The following LRRC4C variants were observed in gnomAD, a reference collection of about 807,000 sequenced individuals.
The protein encoded by LRRC4C is leucine rich repeat containing 4C.
LRRC4C carries 5 observed loss-of-function variants against 33.6 expected under a neutral mutation model. The observed-to-expected ratio is 0.15, with a 90% CI of 0.08 to 0.31. The LOEUF (loss-of-function observed/expected upper bound fraction) is 0.31. Ranked by LOEUF, LRRC4C falls within the 10% of genes least tolerant of loss-of-function variation. The pLI is 1.00. For missense variants in LRRC4C, 560 were observed against 796.7 expected, an observed-to-expected ratio of 0.70 and a Z score of 3.58; for synonymous variants, 329 against 302.0, an observed-to-expected ratio of 1.09 and a Z score of -0.93.
chr11:40,576,546 G>A (rs1190619249), intron 3 of LRRC4C, among the ~76,000 whole-genome samples: 1 of 152,156 alleles, frequency 6.6e-6, no homozygotes, highest in East Asian at 1.9e-4. Context: ...CATCGTCTGA[G>A]GTTCCCAATG....
At chr11:41,178,806 C>G (rs953497742) in intron 1 of LRRC4C, among the ~76,000 whole-genome samples, 7 of 152,106 alleles carry the variant, frequency 4.6e-5, no homozygotes, top group Non-Finnish European at 8.8e-5. Context: ...TGGATTCAAG[C>G]AATTCTCTGC....
Position 40,793,605 on chromosome 11 carries a change from GAGGC to G in LRRC4C, c.-407+140026_-407+140029del, listed in dbSNP as rs1950712114. Among the ~76,000 whole-genome samples, 3 of 152,188 alleles carry G rather than the reference GAGGC, an allele frequency of 2.0e-5. No individual in the cohort carries two copies. In the South Asian group the frequency reaches 6.2e-4, roughly 31 times the overall value. On this transcript the variant is annotated intron_variant, in intron 2 of 6. Coordinates refer to ENST00000528697, the MANE Select transcript of LRRC4C (RefSeq NM_001258419.2). ...CTCTTATTTTACAAATATGGAAACT[GAGGC>G]ACAGAGAGGTCAAGTAAATCCCAGT...
chr11:41,236,440 T>C (rs1035089699), intron 1 of LRRC4C, among the ~76,000 whole-genome samples: 15 of 152,108 alleles, frequency 9.9e-5, no homozygotes, highest in Middle Eastern at 3.2e-3. Flanking sequence ...CTGTTGCACT[T>C]ATATACCACT....
chr11:40,858,839 G>T (rs114560942), intron 2 of LRRC4C, among the ~76,000 whole-genome samples: 5,884 of 151,656 alleles, frequency 0.039, 209 homozygotes, highest in African/African-American at 0.095. Flanking sequence ...ACCAACAAAA[G>T]CCATTGTTCT....
At chr11:40,397,494 T>C (rs964047426) in intron 3 of LRRC4C, among the ~76,000 whole-genome samples, 14 of 152,150 alleles carry the variant, frequency 9.2e-5, no homozygotes, top group African/African-American at 3.1e-4. Context: ...AACATTGTCA[T>C]CTCTCCAATA....
intron 1 of LRRC4C, among the ~76,000 whole-genome samples, chr11:41,282,001 T>G (rs140981201): frequency 1.1e-4 from 17 of 152,332 alleles, no homozygotes; most frequent in Non-Finnish European, 2.1e-4. Context: ...CTTAGAGGCC[T>G]TGGTGGATGT....
chr11:40,751,697 C>T (rs1948698132), intron 2 of LRRC4C, among the ~76,000 whole-genome samples: 2 of 152,040 alleles, frequency 1.3e-5, no homozygotes, highest in South Asian at 2.1e-4. Context: ...TACAAATTCA[C>T]TCCAATCCTT....
intron 5 of LRRC4C, among the ~76,000 whole-genome samples, chr11:40,177,879 T>C (rs959220053): frequency 6.6e-6 from 1 of 152,214 alleles, no homozygotes; most frequent in African/African-American, 2.4e-5. Context: ...TGGCTAGAAT[T>C]GAGCCTGGCA....
At chr11:41,206,049 G>A (rs552379517) in intron 1 of LRRC4C, among the ~76,000 whole-genome samples, 34 of 152,140 alleles carry the variant, frequency 2.2e-4, no homozygotes, top group African/African-American at 7.5e-4. Flanking sequence ...TTCCAATTGA[G>A]ATAAGAATTT....
intron 4 of LRRC4C, among the ~76,000 whole-genome samples, chr11:40,247,327 G>A (rs1021829934): frequency 6.6e-6 from 1 of 152,042 alleles, no homozygotes; most frequent in African/African-American, 2.4e-5. Context: ...TGTCTTCTCT[G>A]CCTACCAGGA....
intron 2 of LRRC4C, among the ~76,000 whole-genome samples, chr11:40,927,917 G>A (rs1957464457): frequency 6.6e-6 from 1 of 152,088 alleles, no homozygotes; most frequent in Non-Finnish European, 1.5e-5. Flanking sequence ...GAGATGTTGT[G>A]TCAGCGGGGG....
chr11:41,103,534 T>C (rs1358952905), intron 1 of LRRC4C, among the ~76,000 whole-genome samples: 2 of 150,746 alleles, frequency 1.3e-5, no homozygotes, highest in Non-Finnish European at 2.9e-5. Context: ...ACATACCAAC[T>C]GGTATAGACA....
intron 4 of LRRC4C, among the ~76,000 whole-genome samples, chr11:40,305,367 A>G (rs999458883): frequency 3.9e-5 from 6 of 152,318 alleles, no homozygotes; most frequent in East Asian, 1.9e-4. Context: ...TGTTCATGGC[A>G]TATACTCCAC....
At position 40,528,146 on chromosome 11, in the gene LRRC4C, C is replaced by G. The variant is rs150139835; in HGVS notation, c.-270+119996G>C. ...AAAACTGATTTCTTGGATATAACACCGAAAGCAAAGCAAAAAAGCAAAAAT... is the reference window on the plus strand; with the variant it reads ...AAAACTGATTTCTTGGATATAACACGGAAAGCAAAGCAAAAAAGCAAAAAT... On this transcript the variant is annotated intron_variant, in intron 3 of 6. Transcript: ENST00000528697. 9.0e-3 allele frequency among the ~76,000 whole-genome samples: 1,368 copies of G among 151,844 alleles called. 18 individuals are homozygous for G. Among genetic ancestry groups the G allele is most frequent in the African/African-American group, 0.031 (1,269 of 41,378 alleles).
At chr11:40,184,750 A>G (rs1314844395) in intron 5 of LRRC4C, among the ~76,000 whole-genome samples, 1 of 152,218 alleles carries the variant, frequency 6.6e-6, no homozygotes, top group Non-Finnish European at 1.5e-5. Flanking sequence ...AGAATGGCAG[A>G]TAACTGCATC....
chr11:40,984,377 AAG>A (rs1350610636), intron 1 of LRRC4C, among the ~76,000 whole-genome samples: 1 of 85,222 alleles, frequency 1.2e-5, no homozygotes, highest in Non-Finnish European at 2.8e-5. Flanking sequence ...GAAAGAAAGA[AAG>A]AAAGAAAGAA....
chr11:40,246,379 T>G (rs1278304426), intron 4 of LRRC4C, among the ~76,000 whole-genome samples: 1 of 152,216 alleles, frequency 6.6e-6, no homozygotes, highest in African/African-American at 2.4e-5. Context: ...TTATTTTGTT[T>G]TTGGTTCACT....
At chr11:41,080,405 G>T (rs1463300770) in intron 1 of LRRC4C, among the ~76,000 whole-genome samples, 4 of 136,222 alleles carry the variant, frequency 2.9e-5, no homozygotes, top group East Asian at 2.3e-4. Flanking sequence ...AGGGTGGAGT[G>T]CAATGGCACG....
intron 2 of LRRC4C, among the ~76,000 whole-genome samples, chr11:40,741,926 T>G (rs1948174755): frequency 6.6e-6 from 1 of 152,060 alleles, no homozygotes; most frequent in African/African-American, 2.4e-5. Flanking sequence ...AAGAAAGCTC[T>G]TCTCATCTAA....
Sources: allele counts gnomAD v4.1 joint callset (sites outside exome capture counted in the v4.1 genomes callset), GRCh38; gene constraint gnomAD v4.1.1; transcripts MANE v1.5; gene names NCBI Gene and HGNC (gene_info 2026-07-23, HGNC 2026-07-21).